The following ARFGEF1 variants were observed in gnomAD, a reference collection of about 807,000 sequenced individuals.
The protein encoded by ARFGEF1 is brefeldin A-inhibited guanine nucleotide-exchange protein 1.
In ARFGEF1, 42 loss-of-function variants were observed where a neutral mutation model predicts 231.0. The observed-to-expected ratio is 0.18, with a 90% CI of 0.14 to 0.24. ARFGEF1 has a LOEUF of 0.24. ARFGEF1 is among the 10% of genes least tolerant of loss of function. ARFGEF1 has a pLI of 1.00. For synonymous variants in ARFGEF1, 710 were observed against 732.3 expected (o/e 0.97, Z 0.49); for missense variants, 1,345 against 2,192.0 (o/e 0.61, Z 7.72).
At chr8:67,177,684 C>G in intron 5 of ARFGEF1, 1 of 1,609,578 alleles carries the variant, frequency 6.2e-7, no homozygotes, top group South Asian at 1.1e-5. Flanking sequence ...CTACAGTTGA[C>G]TTAGATGCCA....
rs551520371 is a variant in ARFGEF1 at position 67,342,207 on chromosome 8, T to C, written c.124+957A>G. ...TAGGAATGTATCTTTGTGTTAAATG[T>C]TCTGGTCTCTCAAACGATTTCAACT... On this transcript the variant is annotated intron_variant, in intron 1 of 38. Transcript: ENST00000262215. 9.3e-4 allele frequency among the ~76,000 whole-genome samples: 141 copies of C among 152,336 alleles called. 1 individual carries two copies. Among genetic ancestry groups the C allele is most frequent in the African/African-American group, 3.2e-3 (135 of 41,574 alleles).
intron 30 of ARFGEF1, among the ~76,000 whole-genome samples, 197 bp from the exon 31 acceptor site, chr8:67,218,335 A>G (rs1006446220): frequency 1.3e-5 from 2 of 150,160 alleles, no homozygotes; most frequent in Non-Finnish European, 3.0e-5. Context: ...TCTGATATCT[A>G]TTGCTCCTTA....
chr8:67,296,768 AG>A (rs1806254423), intron 4 of ARFGEF1, among the ~76,000 whole-genome samples, 158 bp from the exon 5 acceptor site: 1 of 151,960 alleles, frequency 6.6e-6, no homozygotes, highest in Admixed American at 6.6e-5. Flanking sequence ...CTCTCGCAGC[AG>A]CCTCCTGAGT....
intron 1 of ARFGEF1, among the ~76,000 whole-genome samples, chr8:67,342,641 C>T (rs1808695116): frequency 6.6e-6 from 1 of 152,014 alleles, no homozygotes; most frequent in Admixed American, 6.6e-5. Context: ...GAACGGGCTG[C>T]ACCTCTTGCA....
Position 67,198,951 on chromosome 8 carries a change from C to G in ARFGEF1, c.5533G>C (p.Gly1845Arg). Reference protein sequence around the residue: ...QISQPPEQELGINKQ With the variant: ...QISQPPEQELRINKQ ...AGTTCCCATCATTGCTTGTTTATTC[C>G]AAGTTCCTGTTCAGGTGGTTGTGAT... The change falls in exon 39 of 39, where the codon GGA becomes CGA. Residue 1845 changes from glycine (G) to arginine (R), a missense_variant. Gly to Arg is a moderately radical substitution (Grantham distance 125). Around this residue, in one of 14 missense-constraint regions of ARFGEF1, gnomAD observed 161 missense variants for 284.9 expected, o/e 0.57. Coordinates refer to ENST00000262215, the MANE Select transcript of ARFGEF1 (RefSeq NM_006421.5). The G allele has an allele frequency of 1.9e-6, 3 of 1,613,192 alleles. No homozygotes were observed. Among genetic ancestry groups the G allele is most frequent in the Non-Finnish European group, 2.5e-6 (3 of 1,179,706 alleles).
intron 3 of ARFGEF1, among the ~76,000 whole-genome samples, chr8:67,300,581 G>A (rs1355569602): frequency 6.6e-6 from 1 of 150,736 alleles, no homozygotes; most frequent in Non-Finnish European, 1.5e-5. Context: ...TACTTTGGGA[G>A]GCCAAGACGG....
intron 1 of ARFGEF1, among the ~76,000 whole-genome samples, chr8:67,331,977 C>G (rs570506425): frequency 2.0e-5 from 3 of 152,086 alleles, no homozygotes; most frequent in East Asian, 3.9e-4. Context: ...AAACACTAAA[C>G]AAACTCTGCA....
intron 34 of ARFGEF1, 88 bp from the exon 35 acceptor site, chr8:67,204,907 A>G: frequency 6.7e-7 from 1 of 1,485,320 alleles, no homozygotes; most frequent in Non-Finnish European, 9.2e-7. Context: ...TGCTAAGGAA[A>G]CATCAATATG....
chr8:67,278,176 C>A (rs925851680), intron 7 of ARFGEF1, among the ~76,000 whole-genome samples: 5 of 151,988 alleles, frequency 3.3e-5, no homozygotes, highest in Admixed American at 2.6e-4. Flanking sequence ...TCCATGCTAC[C>A]AATTGAAAGA....
At chr8:67,343,028 A>C in intron 1 of ARFGEF1, 136 bp downstream of exon 1, 1 of 1,031,752 alleles carries the variant, frequency 9.7e-7, no homozygotes, top group Non-Finnish European at 1.4e-6. Flanking sequence ...GACAGGGAAC[A>C]GAGGGCTCCG....
chr8:67,294,315 T>C (rs1256920363), intron 5 of ARFGEF1, among the ~76,000 whole-genome samples: 13 of 152,108 alleles, frequency 8.5e-5, no homozygotes, highest in Admixed American at 8.5e-4. Flanking sequence ...AACCAGGATG[T>C]GACGAATACC....
chr8:67,337,148 A>C (rs1278046667), intron 1 of ARFGEF1, among the ~76,000 whole-genome samples: 1 of 151,742 alleles, frequency 6.6e-6, no homozygotes, highest in South Asian at 2.1e-4. Context: ...AAAAAAAAAA[A>C]AAACAGACAA....
chr8:67,278,934 C>T (rs1000269811), intron 7 of ARFGEF1, among the ~76,000 whole-genome samples: 13 of 152,114 alleles, frequency 8.5e-5, no homozygotes, highest in African/African-American at 3.1e-4. Context: ...GTTTGATGTG[C>T]TAAATACCAC....
intron 9 of ARFGEF1, among the ~76,000 whole-genome samples, chr8:67,275,401 G>C (rs1805271728): frequency 6.6e-6 from 1 of 152,004 alleles, no homozygotes; most frequent in African/African-American, 2.4e-5. Context: ...TAGACAAGTG[G>C]CTCCTAACTC....
intron 1 of ARFGEF1, among the ~76,000 whole-genome samples, chr8:67,338,822 G>A (rs545512644): frequency 3.3e-5 from 5 of 152,272 alleles, no homozygotes; most frequent in South Asian, 4.1e-4. Flanking sequence ...AGGCTTAAAC[G>A]GAGATTTGTT....
At chr8:67,190,519 G>C (rs1241623140) in intron 5 of ARFGEF1, 2 of 673,360 alleles carry the variant, frequency 3.0e-6, no homozygotes, top group Non-Finnish European at 5.4e-6. Flanking sequence ...ACCGAACTGT[G>C]TATGTACATA....
At position 67,285,480 on chromosome 8, in the gene ARFGEF1, A is replaced by G. The variant is rs899430187; in HGVS notation, c.1027+2475T>C. ...TGCAGTAAGCCAAGACTGTACCACTATACCCCAGCCTGGGTGACAGAGCAA... is the reference window on the plus strand; with the variant it reads ...TGCAGTAAGCCAAGACTGTACCACTGTACCCCAGCCTGGGTGACAGAGCAA... On this transcript the variant is annotated intron_variant, in intron 7 of 38. Coordinates refer to ENST00000262215, the MANE Select transcript of ARFGEF1 (RefSeq NM_006421.5). Among the ~76,000 whole-genome samples, 8 of 152,234 alleles carry G rather than the reference A, an allele frequency of 5.3e-5. No individual in the cohort carries two copies. In the East Asian group the frequency reaches 1.3e-3, roughly 26 times the overall value.
intron 20 of ARFGEF1, 70 bp from the exon 21 acceptor site, chr8:67,238,963 ACT>A (rs1171962767): frequency 1.2e-5 from 14 of 1,165,648 alleles, no homozygotes; most frequent in South Asian, 8.5e-5. Context: ...CCACCAACAA[ACT>A]CTGTTTACTT....
chr8:67,175,694 C>T, intron 5 of ARFGEF1: 1 of 586,904 alleles, frequency 1.7e-6, no homozygotes, highest in South Asian at 1.6e-5. Flanking sequence ...ATACTTTGAC[C>T]AGGCCAGGTG....
Sources: gnomAD v4.1 joint callset for allele counts (sites outside exome capture counted in the v4.1 genomes callset) on GRCh38, gnomAD v4.1.1 for gene constraint, gnomAD v4.1.1 regional missense constraint, MANE v1.5 for transcripts, NCBI Gene and HGNC (gene_info 2026-07-23, HGNC 2026-07-21) for gene names.